Variants in BABAM2 observed in about 807,000 individuals in gnomAD.
BABAM2 encodes BRISC and BRCA1 A complex member 2.
Under a neutral mutation model 54.7 loss-of-function variants are expected in BABAM2, and 31 were observed. That is an observed-to-expected ratio of 0.57 (90% CI 0.43 to 0.77). The LOEUF is 0.77. BABAM2 is among the 30% of genes least tolerant of loss of function. BABAM2 has a pLI of 0.00. For missense variants in BABAM2, 364 were observed against 455.8 expected (o/e 0.80, Z 1.83); for synonymous variants, 167 against 162.9 (o/e 1.03, Z -0.19).
rs1667362721 is a variant in BABAM2, at chr2:28,104,768, A to AG, written c.571-24502dup. ...TGTTTATTGTGGCACTATTCACAAT[A>AG]GCAAAGACTTGGAACCAACCCAAAT... On this transcript the variant is annotated intron_variant, in intron 6 of 11. Transcript: ENST00000379624. Among the ~76,000 whole-genome samples, 2 of 152,196 alleles carry AG rather than the reference A, an allele frequency of 1.3e-5. 1 individual carries two copies. The highest frequency in any genetic ancestry group is 4.1e-4 in the South Asian group (2 of 4,828).
chr2:28,249,092 T>G (rs992360876), intron 10 of BABAM2, among the ~76,000 whole-genome samples: 3 of 151,064 alleles, frequency 2.0e-5, no homozygotes, highest in Non-Finnish European at 4.4e-5. Flanking sequence ...TGCTTGTTTT[T>G]TTTTTTTTTT....
intron 7 of BABAM2, among the ~76,000 whole-genome samples, chr2:28,140,565 G>T (rs993351554): frequency 6.6e-6 from 1 of 152,010 alleles, no homozygotes; most frequent in African/African-American, 2.4e-5. Context: ...GCATTTCATA[G>T]ATCCCTAGGG....
At chr2:28,241,479 C>A in intron 9 of BABAM2, 86 bp downstream of exon 9, 1 of 1,278,346 alleles carries the variant, frequency 7.8e-7, no homozygotes, top group Non-Finnish European at 1.1e-6. Context: ...AAGAAAATAG[C>A]ACTTAGTTCT....
At chr2:28,215,630 G>A (rs139722184) in intron 7 of BABAM2, among the ~76,000 whole-genome samples, 1 of 144,532 alleles carries the variant, frequency 6.9e-6, no homozygotes, top group East Asian at 2.1e-4. Context: ...TCAGTCTTTG[G>A]TTTTTACCCT....
At chr2:28,160,300 T>G (rs1672941694) in intron 7 of BABAM2, among the ~76,000 whole-genome samples, 1 of 152,218 alleles carries the variant, frequency 6.6e-6, no homozygotes, top group South Asian at 2.1e-4. Context: ...TTTTAGTATA[T>G]TCTTTTTAGC....
intron 3 of BABAM2, chr2:27,930,285 C>G (rs965775749): frequency 5.6e-6 from 1 of 179,262 alleles, no homozygotes. Context: ...CTGCTAACCC[C>G]CCTGTGGAAC....
chr2:28,055,332 A>C (rs1678315514), intron 6 of BABAM2, among the ~76,000 whole-genome samples: 1 of 152,210 alleles, frequency 6.6e-6, no homozygotes, highest in African/African-American at 2.4e-5. Flanking sequence ...TTACCTGGGT[A>C]ACAAAATAAT....
chr2:28,154,911 T>C (rs1225230401), intron 7 of BABAM2, among the ~76,000 whole-genome samples: 2 of 152,224 alleles, frequency 1.3e-5, no homozygotes, highest in Non-Finnish European at 2.9e-5. Context: ...GAATACACTT[T>C]ATAGTTGAGA....
intron 7 of BABAM2, 91 bp downstream of exon 7, chr2:28,129,471 T>G (rs1669848164): frequency 8.9e-7 from 1 of 1,117,848 alleles, no homozygotes; most frequent in Non-Finnish European, 1.3e-6. Context: ...ACTCTTACAT[T>G]TATTTCTCTT....
At chr2:28,112,966 C>CT (rs1668267609) in intron 6 of BABAM2, among the ~76,000 whole-genome samples, 2 of 151,984 alleles carry the variant, frequency 1.3e-5, no homozygotes, top group Admixed American at 1.3e-4. Flanking sequence ...TGATGATGAG[C>CT]TTTTTTCATG....
intron 2 of BABAM2, among the ~76,000 whole-genome samples, chr2:27,899,677 G>A (rs1228364511): frequency 6.6e-6 from 1 of 152,070 alleles, no homozygotes; most frequent in Non-Finnish European, 1.5e-5. Flanking sequence ...ATCTTGGCTA[G>A]GTTGGTGTCA....
intron 2 of BABAM2, among the ~76,000 whole-genome samples, chr2:27,910,204 C>T (rs774998366): frequency 8.5e-5 from 13 of 152,170 alleles, no homozygotes; most frequent in Non-Finnish European, 1.6e-4. Flanking sequence ...GCTGTGTCTC[C>T]ACCACCTAGC....
intron 4 of BABAM2, among the ~76,000 whole-genome samples, chr2:28,021,770 AT>A (rs1033642873): frequency 1.2e-4 from 19 of 152,102 alleles, no homozygotes; most frequent in East Asian, 7.7e-4. Context: ...TCATTAAATA[AT>A]TTTTTTCCCC....
chr2:28,234,643 G>A (rs908436595), intron 7 of BABAM2, among the ~76,000 whole-genome samples: 2 of 152,200 alleles, frequency 1.3e-5, no homozygotes, highest in African/African-American at 2.4e-5. Flanking sequence ...CTAAGTGAGC[G>A]ATGAGTAGCT....
At chr2:28,193,151 C>A (rs1051872932) in intron 7 of BABAM2, among the ~76,000 whole-genome samples, 4 of 152,202 alleles carry the variant, frequency 2.6e-5, no homozygotes, top group Admixed American at 1.3e-4. Context: ...ACATGGGCGA[C>A]ATGAGCAAAA....
rs550071011 is a variant in BABAM2, at chr2:28,327,448, G to T, written c.1089-11002G>T. On this transcript the variant is annotated intron_variant, in intron 11 of 11. Coordinates refer to ENST00000379624, the MANE Select transcript of BABAM2 (RefSeq NM_199191.3). ...CTGCTCAGTAATTTTGATCACTTTGGTAAGTATTTAAAAATACCCTGTGAT... is the reference window on the plus strand; with the variant it reads ...CTGCTCAGTAATTTTGATCACTTTGTTAAGTATTTAAAAATACCCTGTGAT... 3.2e-6 allele frequency: 5 copies of T among 1,578,242 alleles called. No individual in the cohort carries two copies. The African/African-American group carries it at 6.8e-5, about 22-fold the overall frequency.
chr2:28,174,767 G>A (rs772403566), intron 7 of BABAM2, among the ~76,000 whole-genome samples: 2 of 152,142 alleles, frequency 1.3e-5, no homozygotes, highest in Admixed American at 6.5e-5. Flanking sequence ...TGAGTCCTAA[G>A]CAGCTGTAGC....
chr2:28,167,705 T>A (rs879399464), intron 7 of BABAM2, among the ~76,000 whole-genome samples: 15,354 of 65,760 alleles, frequency 0.23, 1,175 homozygotes, highest in Non-Finnish European at 0.32. Flanking sequence ...AAAAAATAAA[T>A]AAATAAATAA....
chr2:28,017,221 G>A (rs1172908919), intron 4 of BABAM2, among the ~76,000 whole-genome samples: 7 of 152,170 alleles, frequency 4.6e-5, no homozygotes, highest in Non-Finnish European at 8.8e-5. Context: ...ACTTATTGCT[G>A]ATAATACTTG....
Sources: gnomAD v4.1 joint callset for allele counts (sites outside exome capture counted in the v4.1 genomes callset) on GRCh38, gnomAD v4.1.1 for gene constraint, MANE v1.5 for transcripts, NCBI Gene and HGNC (gene_info 2026-07-23, HGNC 2026-07-21) for gene names.